Variants in JMJD1C observed in about 807,000 individuals in gnomAD.
JMJD1C encodes jumonji domain containing 1C.
In JMJD1C, 31 loss-of-function variants were observed where a neutral mutation model predicts 245.3. The ratio of observed to expected loss-of-function variants is 0.13; its 90% CI spans 0.09 to 0.17. The LOEUF (loss-of-function observed/expected upper bound fraction) is 0.17. JMJD1C is among the 10% of genes least tolerant of loss of function. The probability of loss-of-function intolerance (pLI) is 1.00; values close to 1 mark genes in which losing one functional copy is unlikely to be tolerated. For missense variants in JMJD1C, 2,691 were observed against 3,000.2 expected, an observed-to-expected ratio of 0.90 and a Z score of 2.41; for synonymous variants, 1,057 against 1,017.4, an observed-to-expected ratio of 1.04 and a Z score of -0.74.
At chr10:63,274,536 G>A in intron 2 of JMJD1C, among the ~76,000 whole-genome samples, 1 of 151,882 alleles carries the variant, frequency 6.6e-6, no homozygotes. Flanking sequence ...CTGCACTCCA[G>A]TCTGGGTGAC....
intron 1 of JMJD1C, among the ~76,000 whole-genome samples, chr10:63,420,318 G>C (rs1950048405): frequency 6.6e-6 from 1 of 152,046 alleles, no homozygotes; most frequent in Non-Finnish European, 1.5e-5. Flanking sequence ...GCCAACAAAA[G>C]TACCACATAT....
chr10:63,363,549 C>A (rs960946521), intron 2 of JMJD1C, among the ~76,000 whole-genome samples: 6 of 151,998 alleles, frequency 3.9e-5, no homozygotes, highest in African/African-American at 1.2e-4. Context: ...TGAGCCACCA[C>A]GCCTAACCCA....
chr10:63,204,187 G>A (rs981628228), intron 10 of JMJD1C: 2 of 984,952 alleles, frequency 2.0e-6, no homozygotes. Context: ...AGTCAACTCT[G>A]TCCACAATTA....
intron 23 of JMJD1C, chr10:63,176,933 T>C (rs1842914753): frequency 6.5e-6 from 1 of 153,170 alleles, no homozygotes; most frequent in Non-Finnish European, 1.5e-5. Flanking sequence ...GAAAAATCAA[T>C]TTCAAGGGAC....
At chr10:63,222,315 T>TACAA (rs1329483107) in intron 3 of JMJD1C, 1 of 1,318,340 alleles carries the variant, frequency 7.6e-7, no homozygotes, top group Non-Finnish European at 1.1e-6. Flanking sequence ...GGTGGAAATC[T>TACAA]ACAAGACAGT....
intron 1 of JMJD1C, among the ~76,000 whole-genome samples, chr10:63,449,584 A>C (rs556437629): frequency 1.3e-5 from 2 of 152,292 alleles, no homozygotes; most frequent in South Asian, 4.1e-4. Context: ...TGAGTAAAAG[A>C]TATGTATTAA....
intron 3 of JMJD1C, chr10:63,222,508 C>G (rs1308481862): frequency 8.3e-7 from 1 of 1,208,644 alleles, no homozygotes; most frequent in Admixed American, 1.7e-5. Flanking sequence ...TTGATTTTGA[C>G]TGACTGCACT....
chr10:63,263,560 C>A (rs1270554826), intron 3 of JMJD1C, among the ~76,000 whole-genome samples: 1 of 152,142 alleles, frequency 6.6e-6, no homozygotes, highest in East Asian at 1.9e-4. Flanking sequence ...TCTTTCCATG[C>A]AATTACTGTA....
Position 63,215,568 on chromosome 10 carries a change from G to C in JMJD1C, c.807C>G (p.Asn269Lys), listed in dbSNP as rs1326376055. The change falls in exon 6 of 26, where the codon AAC (asparagine) becomes AAG (lysine). Residue 269 changes from asparagine (N) to lysine (K), a missense_variant. Transcript: ENST00000399262. ...ACATACATACGTGAACAGCGTTGAC[G>C]TTTTGATTGGCACGAGACCTGCGTC... ...TSRRRSRANQNVNAVHSHYTR... is the reference protein window; with the variant it reads ...TSRRRSRANQKVNAVHSHYTR... 3 of 1,609,256 alleles carry C rather than the reference G, an allele frequency of 1.9e-6. No individual in the cohort carries two copies. In the South Asian group the frequency reaches 3.3e-5, roughly 18 times the overall value.
intron 4 of JMJD1C, 83 bp from the exon 5 acceptor site, chr10:63,217,414 A>G: frequency 9.6e-7 from 1 of 1,041,682 alleles, no homozygotes; most frequent in Non-Finnish European, 1.4e-6. Flanking sequence ...AACATGAGCT[A>G]GTGTATAATA....
At chr10:63,504,120 CCT>C (rs1479697951) in intron 1 of JMJD1C, among the ~76,000 whole-genome samples, 1 of 152,142 alleles carries the variant, frequency 6.6e-6, no homozygotes, top group Non-Finnish European at 1.5e-5. Context: ...GTATAATAAA[CCT>C]AATGTATAAA....
chr10:63,420,327 A>G (rs1270507058), intron 1 of JMJD1C, among the ~76,000 whole-genome samples: 2 of 152,148 alleles, frequency 1.3e-5, no homozygotes, highest in South Asian at 2.1e-4. Context: ...AGTACCACAT[A>G]TGAAAATTTG....
At chr10:63,338,640 ATTTTTTTTTT>A (rs34238197) in intron 2 of JMJD1C, among the ~76,000 whole-genome samples, 1 of 95,126 alleles carries the variant, frequency 1.1e-5, no homozygotes, top group Non-Finnish European at 2.0e-5. Flanking sequence ...TGCTCCTTAG[ATTTTTTTTTT>A]TTTTTTTTTT....
intron 1 of JMJD1C, among the ~76,000 whole-genome samples, chr10:63,490,199 G>A (rs1954123556): frequency 6.6e-6 from 1 of 152,056 alleles, no homozygotes; most frequent in African/African-American, 2.4e-5. Context: ...TCTCCAACCT[G>A]AGCCTTGCAC....
chr10:63,445,327 A>C (rs1397652151), intron 1 of JMJD1C, among the ~76,000 whole-genome samples: 1 of 152,226 alleles, frequency 6.6e-6, no homozygotes, highest in Admixed American at 6.5e-5. Context: ...TCAATTTTAG[A>C]TAAGGTAGTC....
chr10:63,280,155 T>A (rs752424578), intron 2 of JMJD1C, among the ~76,000 whole-genome samples: 3 of 151,490 alleles, frequency 2.0e-5, no homozygotes, highest in Non-Finnish European at 4.4e-5. Context: ...CATATCAATT[T>A]AAAAAAAAAT....
intron 2 of JMJD1C, among the ~76,000 whole-genome samples, chr10:63,328,821 T>G (rs1941818977): frequency 6.6e-6 from 1 of 152,212 alleles, no homozygotes. Context: ...AGAGGGCTGT[T>G]TTAATTTATT....
At chr10:63,287,130 A>G (rs1858077242) in intron 2 of JMJD1C, among the ~76,000 whole-genome samples, 1 of 152,208 alleles carries the variant, frequency 6.6e-6, no homozygotes, top group Non-Finnish European at 1.5e-5. Context: ...TGCAATACAT[A>G]CAAACCCCAC....
intron 1 of JMJD1C, among the ~76,000 whole-genome samples, chr10:63,439,140 G>A (rs1253165171): frequency 6.6e-6 from 1 of 152,132 alleles, no homozygotes; most frequent in African/African-American, 2.4e-5. Flanking sequence ...ACTGATATTT[G>A]AAGATGCTTG....
Sources: allele counts gnomAD v4.1 joint callset (sites outside exome capture counted in the v4.1 genomes callset), GRCh38; gene constraint gnomAD v4.1.1; transcripts MANE v1.5; gene names NCBI Gene and HGNC (gene_info 2026-07-23, HGNC 2026-07-21).